SHANK2: variants seen among roughly 807,000 people sequenced by gnomAD.
SHANK2 encodes SH3 and multiple ankyrin repeat domains protein 2.
In SHANK2, 43 loss-of-function variants were observed where a neutral mutation model predicts 133.7. The ratio of observed to expected loss-of-function variants is 0.32; its 90% CI spans 0.25 to 0.41. The LOEUF (loss-of-function observed/expected upper bound fraction) is 0.41, where lower values mean the gene tolerates loss of function less well. SHANK2 is among the 10% of genes least tolerant of loss of function. SHANK2 has a pLI of 1.00. For synonymous variants in SHANK2, 1,017 were observed against 952.8 expected (o/e 1.07, Z -1.24); for missense variants, 1,994 against 2,235.8 (o/e 0.89, Z 2.18).
At chr11:71,153,487 C>A (rs1342201320) in intron 2 of SHANK2, among the ~76,000 whole-genome samples, 1 of 152,218 alleles carries the variant, frequency 6.6e-6, no homozygotes, top group Non-Finnish European at 1.5e-5. Flanking sequence ...TCAACTGGCT[C>A]ATTCGTCCTC....
chr11:70,889,357 C>T (rs1218855270), intron 11 of SHANK2, among the ~76,000 whole-genome samples: 1 of 152,174 alleles, frequency 6.6e-6, no homozygotes, highest in Non-Finnish European at 1.5e-5. Flanking sequence ...CCTGCCAACA[C>T]CTTGATTTTG....
At chr11:70,553,277 G>A (rs993683796) in intron 17 of SHANK2, among the ~76,000 whole-genome samples, 1 of 152,016 alleles carries the variant, frequency 6.6e-6, no homozygotes, top group Admixed American at 6.6e-5. Flanking sequence ...AATTTTAGTA[G>A]AGAAGGGGTT....
chr11:70,649,761 A>G (rs2061317586), intron 17 of SHANK2, among the ~76,000 whole-genome samples: 1 of 152,184 alleles, frequency 6.6e-6, no homozygotes, highest in South Asian at 2.1e-4. Flanking sequence ...CCTTCGCTCC[A>G]TGTAGCCTGG....
chr11:70,824,390 C>G (rs530907010), intron 11 of SHANK2, among the ~76,000 whole-genome samples: 1 of 152,258 alleles, frequency 6.6e-6, no homozygotes, highest in East Asian at 1.9e-4. Flanking sequence ...CTCTGTGAAG[C>G]CTTTCTGTCA....
At chr11:70,543,130 T>A (rs112123889) in intron 17 of SHANK2, among the ~76,000 whole-genome samples, 41 of 152,268 alleles carry the variant, frequency 2.7e-4, no homozygotes, top group African/African-American at 9.4e-4. Flanking sequence ...TGCAGTTTGA[T>A]GGCCGGGCAC....
intron 17 of SHANK2, among the ~76,000 whole-genome samples, chr11:70,507,728 C>T (rs896859033): frequency 2.0e-5 from 3 of 152,182 alleles, no homozygotes; most frequent in African/African-American, 4.8e-5. Context: ...CTTGCAAAAG[C>T]CAGGAAAGTG....
intron 14 of SHANK2, among the ~76,000 whole-genome samples, chr11:70,720,310 T>A (rs1555028690): frequency 6.6e-6 from 1 of 152,220 alleles, no homozygotes; most frequent in Non-Finnish European, 1.5e-5. Flanking sequence ...AAAATGGATG[T>A]GATCCAGGGA....
chr11:70,691,799 C>T (rs1313193725), intron 15 of SHANK2, among the ~76,000 whole-genome samples: 12 of 152,102 alleles, frequency 7.9e-5, no homozygotes, highest in African/African-American at 2.9e-4. Flanking sequence ...GAGGTTGAGG[C>T]AGGAGAATCA....
At chr11:70,647,089 C>A (rs1022185445) in intron 17 of SHANK2, among the ~76,000 whole-genome samples, 2 of 152,034 alleles carry the variant, frequency 1.3e-5, no homozygotes, top group African/African-American at 4.8e-5. Flanking sequence ...TGGTCTTGAA[C>A]TCTTGACCTC....
intron 10 of SHANK2, among the ~76,000 whole-genome samples, chr11:70,929,404 T>C (rs900505790): frequency 1.3e-5 from 2 of 152,232 alleles, no homozygotes; most frequent in Admixed American, 6.5e-5. Context: ...TGTGAATGTA[T>C]GCTCTTACTG....
chr11:70,635,931 A>T (rs2061072713), intron 17 of SHANK2, among the ~76,000 whole-genome samples: 1 of 152,198 alleles, frequency 6.6e-6, no homozygotes, highest in African/African-American at 2.4e-5. Context: ...CCCGTAGGGC[A>T]TGAGGCCCGC....
intron 17 of SHANK2, among the ~76,000 whole-genome samples, chr11:70,614,473 G>A (rs2060711619): frequency 6.6e-6 from 1 of 152,034 alleles, no homozygotes; most frequent in African/African-American, 2.4e-5. Flanking sequence ...CAACATGCCT[G>A]GCTAATTTTG....
intron 11 of SHANK2, among the ~76,000 whole-genome samples, chr11:70,820,947 G>C (rs1303302048): frequency 6.6e-6 from 1 of 152,148 alleles, no homozygotes; most frequent in Non-Finnish European, 1.5e-5. Flanking sequence ...TGGAAGGGAC[G>C]TGGGGTCTGA....
rs568863636 is a variant in SHANK2 at position 70,518,338 on chromosome 11, C to T, written c.2062-15407G>A. ...TGGGATCACACCACTGTACTCCAGC[C>T]TGAGCAACAGAGAACCTGTCTCAAA... is the stretch of plus-strand genomic sequence containing the variant. On this transcript the variant is annotated intron_variant, in intron 17 of 25. Transcript: ENST00000601538. Among the ~76,000 whole-genome samples the T allele has an allele frequency of 3.3e-4, 50 of 152,314 alleles. No homozygotes were observed. The South Asian group carries it at 9.7e-3, about 30-fold the overall frequency.
chr11:70,524,957 A>C (rs1466736976), intron 17 of SHANK2, among the ~76,000 whole-genome samples: 1 of 152,226 alleles, frequency 6.6e-6, no homozygotes, highest in African/African-American at 2.4e-5. Flanking sequence ...CCACATTTGA[A>C]CATTTTCTCC....
intron 2 of SHANK2, among the ~76,000 whole-genome samples, chr11:71,196,997 C>CAAAAA (rs71467429): frequency 3.7e-5 from 3 of 81,912 alleles, no homozygotes; most frequent in Non-Finnish European, 4.8e-5. Context: ...GACTCTGTCT[C>CAAAAA]AAAAAAAAAA....
At chr11:70,868,103 T>C (rs1378885780) in intron 11 of SHANK2, among the ~76,000 whole-genome samples, 1 of 152,230 alleles carries the variant, frequency 6.6e-6, no homozygotes, top group Non-Finnish European at 1.5e-5. Flanking sequence ...CCTTAGCATT[T>C]GACAGCATAA....
At chr11:70,573,616 A>G (rs563234321) in intron 17 of SHANK2, among the ~76,000 whole-genome samples, 6 of 151,960 alleles carry the variant, frequency 3.9e-5, no homozygotes, top group African/African-American at 9.7e-5. Context: ...AGACATGAAG[A>G]TGACCCCAGT....
chr11:70,843,294 AGGGTGGGCTGGGCTGCTATG>A (rs1948942688), intron 11 of SHANK2, among the ~76,000 whole-genome samples: 4 of 5,732 alleles, frequency 7.0e-4, no homozygotes, highest in Non-Finnish European at 1.3e-3. Flanking sequence ...GGGCTGCTAA[AGGGTGGGCTGGGCTGCTATG>A]GGGTGGGCTG....
Sources: allele counts gnomAD v4.1 joint callset (sites outside exome capture counted in the v4.1 genomes callset), GRCh38; gene constraint gnomAD v4.1.1; transcripts MANE v1.5; gene names NCBI Gene and HGNC (gene_info 2026-07-23, HGNC 2026-07-21).